ISM1: variants seen among roughly 807,000 people sequenced by gnomAD.
ISM1 encodes isthmin 1, also known as isthmin-1.
A neutral mutation model predicts 46.3 loss-of-function variants in ISM1; 25 were observed. That is an observed-to-expected ratio of 0.54 (90% CI 0.39 to 0.75). The LOEUF (loss-of-function observed/expected upper bound fraction) is 0.75. ISM1 is among the 30% of genes least tolerant of loss of function. The pLI, the probability that ISM1 is intolerant of heterozygous loss-of-function variation, is 0.00. For missense variants in ISM1, 536 were observed against 625.4 expected (o/e 0.86, Z 1.52); for synonymous variants, 255 against 256.7 (o/e 0.99, Z 0.06).
downstream of ISM1, among the ~76,000 whole-genome samples, chr20:13,301,897 A>G (rs1339678588): frequency 1.3e-5 from 2 of 152,232 alleles, no homozygotes; most frequent in Non-Finnish European, 2.9e-5. Flanking sequence ...CTATGAAGAA[A>G]TAGAGGCAGA....
intron 5 of ISM1, among the ~76,000 whole-genome samples, chr20:13,295,481 T>A (rs1170610439): frequency 6.6e-6 from 1 of 152,186 alleles, no homozygotes; most frequent in African/African-American, 2.4e-5. Context: ...TTTTCCTGCA[T>A]AACCTTAGTT....
chr20:13,233,756 T>C (rs1003783582), intron 1 of ISM1, among the ~76,000 whole-genome samples: 13 of 152,192 alleles, frequency 8.5e-5, no homozygotes, highest in Non-Finnish European at 1.5e-4. Flanking sequence ...AATACTGTCC[T>C]TCTCTTACAC....
intron 2 of ISM1, among the ~76,000 whole-genome samples, chr20:13,278,057 G>A (rs896317011): frequency 1.1e-4 from 16 of 152,182 alleles, no homozygotes; most frequent in Admixed American, 3.3e-4. Flanking sequence ...AAATGCGTCT[G>A]CCCAGTACAT....
At chr20:13,227,741 C>T (rs2039543583) in intron 1 of ISM1, among the ~76,000 whole-genome samples, 1 of 151,944 alleles carries the variant, frequency 6.6e-6, no homozygotes, top group Admixed American at 6.5e-5. Context: ...ATCTCCTGAC[C>T]TCATGATCCT....
Position 13,299,263 on chromosome 20 carries a change from C to T in ISM1, c.1199C>T (p.Ala400Val), listed in dbSNP as rs1350884016. The change falls in exon 6 of 6, where the codon GCG becomes GTG. Residue 400 changes from alanine (A) to valine (V), a missense_variant. By Grantham distance (64) the Ala-to-Val change is moderately conservative. Around this residue, in one of 2 missense-constraint regions of ISM1, gnomAD observed 169 missense variants for 249.3 expected, o/e 0.68. Coordinates refer to ENST00000262487, the MANE Select transcript of ISM1 (RefSeq NM_080826.2). The surrounding 1 kb of genome is among the most constrained non-coding windows in gnomAD (Gnocchi z 5.8). ...NMQLITRGKGAGTPNLISTEF... is the reference protein window; with the variant it reads ...NMQLITRGKGVGTPNLISTEF... ...CAGCTCATCACCAGGGGCAAGGGGG[C>T]GGGCACGCCCAACCTCATCAGCACC... 2.5e-6 allele frequency: 4 copies of T among 1,607,502 alleles called. No individual in the cohort carries two copies. The highest frequency in any genetic ancestry group is 3.4e-6 in the Non-Finnish European group (4 of 1,176,856).
At chr20:13,316,219 C>T in the ISM1 span, among the ~76,000 whole-genome samples, 1 of 151,858 alleles carries the variant, frequency 6.6e-6, no homozygotes. Context: ...CCTGGAAAAA[C>T]ACAATCTGCC....
chr20:13,324,973 T>C, the ISM1 span, among the ~76,000 whole-genome samples: 1 of 152,322 alleles, frequency 6.6e-6, no homozygotes, highest in South Asian at 2.1e-4. Context: ...TAGAAAATAT[T>C]TGTTTCTTTT....
At chr20:13,274,378 G>A (rs768979117) in intron 2 of ISM1, among the ~76,000 whole-genome samples, 1 of 152,178 alleles carries the variant, frequency 6.6e-6, no homozygotes, top group Non-Finnish European at 1.5e-5. Flanking sequence ...CTGGGTAGCA[G>A]AGTGAAGTCA....
chr20:13,235,360 T>C (rs1174466037), intron 1 of ISM1, among the ~76,000 whole-genome samples: 1 of 152,206 alleles, frequency 6.6e-6, no homozygotes, highest in African/African-American at 2.4e-5. Flanking sequence ...GGTCATGGGC[T>C]TTGGAGTTGT....
At chr20:13,222,311 G>A (rs777568122) in intron 1 of ISM1, among the ~76,000 whole-genome samples, 16 of 152,184 alleles carry the variant, frequency 1.1e-4, no homozygotes, top group Non-Finnish European at 1.9e-4. Context: ...GACGCAAGGA[G>A]ACTTTATAGG....
chr20:13,268,446 T>C (rs900660873), intron 1 of ISM1, among the ~76,000 whole-genome samples: 3 of 148,348 alleles, frequency 2.0e-5, no homozygotes, highest in African/African-American at 4.9e-5. Context: ...CTCTGTTGCA[T>C]TGAGTAATGT....
intron 3 of ISM1, among the ~76,000 whole-genome samples, chr20:13,287,243 C>T (rs1169150856): frequency 6.6e-6 from 1 of 152,100 alleles, no homozygotes; most frequent in African/African-American, 2.4e-5. Context: ...TGGTGGAAGG[C>T]AAAGGAAGAG....
intron 1 of ISM1, among the ~76,000 whole-genome samples, chr20:13,254,892 C>G (rs555127728): frequency 1.3e-5 from 2 of 152,326 alleles, no homozygotes; most frequent in East Asian, 3.9e-4. Flanking sequence ...TCATTCCTTC[C>G]TTTTCCATCT....
chr20:13,312,524 T>C, the ISM1 span, among the ~76,000 whole-genome samples: 1 of 152,174 alleles, frequency 6.6e-6, no homozygotes, highest in Admixed American at 6.5e-5. Context: ...CTCGGAACCA[T>C]GTTCTAAATT....
chr20:13,224,133 C>A (rs1031688946), intron 1 of ISM1, among the ~76,000 whole-genome samples: 6 of 152,142 alleles, frequency 3.9e-5, no homozygotes, highest in African/African-American at 1.4e-4. Context: ...TGCTAATCCA[C>A]CAGCTTCAGC....
intron 1 of ISM1, among the ~76,000 whole-genome samples, chr20:13,249,590 G>C (rs1423881766): frequency 6.6e-6 from 1 of 152,166 alleles, no homozygotes; most frequent in Non-Finnish European, 1.5e-5. Context: ...ACCCCGCCAG[G>C]CTCTTTATTA....
At chr20:13,263,556 G>A (rs1471669370) in intron 1 of ISM1, among the ~76,000 whole-genome samples, 1 of 152,166 alleles carries the variant, frequency 6.6e-6, no homozygotes, top group Admixed American at 6.5e-5. Context: ...CAAAACTTTT[G>A]CTCTTCCCTT....
At chr20:13,311,053 G>A in the ISM1 span, among the ~76,000 whole-genome samples, 1 of 152,108 alleles carries the variant, frequency 6.6e-6, no homozygotes, top group Non-Finnish European at 1.5e-5. Context: ...AATTAGCTGG[G>A]CATGGTGGCG....
chr20:13,320,949 A>G, the ISM1 span, among the ~76,000 whole-genome samples: 1 of 152,134 alleles, frequency 6.6e-6, no homozygotes, highest in Non-Finnish European at 1.5e-5. Context: ...CTGTAATCCC[A>G]GTACTTTGGG....
Sources: gnomAD v4.1 joint callset for allele counts (sites outside exome capture counted in the v4.1 genomes callset) on GRCh38, gnomAD v4.1.1 for gene constraint, gnomAD v4.1.1 regional missense constraint, Gnocchi (gnomAD v3.1) non-coding constraint, MANE v1.5 for transcripts, NCBI Gene and HGNC (gene_info 2026-07-23, HGNC 2026-07-21) for gene names.